The following SUGCT variants were observed in gnomAD, a reference collection of about 807,000 sequenced individuals.
SUGCT encodes succinyl-CoA:glutarate-CoA transferase.
SUGCT carries 41 observed loss-of-function variants against 55.0 expected under a neutral mutation model. The observed-to-expected ratio is 0.74, with a 90% CI of 0.58 to 0.97. SUGCT has a LOEUF of 0.97. Ranked by LOEUF, SUGCT falls within the 50% of genes least tolerant of loss-of-function variation. The pLI, the probability that SUGCT is intolerant of heterozygous loss-of-function variation, is 0.00. For missense variants in SUGCT, 568 were observed against 547.8 expected (o/e 1.04, Z -0.37); for synonymous variants, 187 against 200.4 (o/e 0.93, Z 0.56).
intron 12 of SUGCT, among the ~76,000 whole-genome samples, chr7:40,563,735 A>G (rs1562863949): frequency 1.3e-5 from 2 of 151,270 alleles, no homozygotes. Context: ...AATAATAATA[A>G]TAGTATTAAT....
chr7:40,744,743 GT>G (rs1787643983), intron 12 of SUGCT, among the ~76,000 whole-genome samples: 1 of 152,204 alleles, frequency 6.6e-6, no homozygotes, highest in Admixed American at 6.5e-5. Context: ...CCCTTAAGGA[GT>G]TTTGCTGAGC....
intron 12 of SUGCT, among the ~76,000 whole-genome samples, chr7:40,609,921 A>G (rs965505880): frequency 6.6e-6 from 1 of 152,210 alleles, no homozygotes; most frequent in Admixed American, 6.5e-5. Context: ...GAGTAGAGCA[A>G]TGTAAGTGTT....
At chr7:40,416,065 T>C (rs1006661075) in intron 9 of SUGCT, among the ~76,000 whole-genome samples, 4 of 152,196 alleles carry the variant, frequency 2.6e-5, no homozygotes, top group South Asian at 4.1e-4. Context: ...TTGTTTATAA[T>C]ACTTTGGCAT....
intron 12 of SUGCT, among the ~76,000 whole-genome samples, chr7:40,632,470 C>T (rs1167376927): frequency 6.7e-6 from 1 of 148,752 alleles, no homozygotes; most frequent in Non-Finnish European, 1.5e-5. Flanking sequence ...ATTTTTTAGT[C>T]CATTTTCATC....
chr7:40,299,712 A>C (rs909958056), intron 8 of SUGCT, among the ~76,000 whole-genome samples: 6 of 152,194 alleles, frequency 3.9e-5, no homozygotes, highest in Non-Finnish European at 8.8e-5. Context: ...TCTGACAGTA[A>C]ACTGATAATA....
At chr7:40,902,074 A>C in the SUGCT span, among the ~76,000 whole-genome samples, 1 of 152,154 alleles carries the variant, frequency 6.6e-6, no homozygotes, top group African/African-American at 2.4e-5. Context: ...CTCACCTTCA[A>C]CTTTAACAGC....
intron 7 of SUGCT, among the ~76,000 whole-genome samples, chr7:40,246,526 C>T (rs1789885993): frequency 6.6e-6 from 1 of 151,930 alleles, no homozygotes; most frequent in Non-Finnish European, 1.5e-5. Flanking sequence ...GCTGGGATTA[C>T]AGATGTGAGC....
intron 13 of SUGCT, among the ~76,000 whole-genome samples, chr7:40,816,152 T>C (rs1168521250): frequency 6.6e-6 from 1 of 152,202 alleles, no homozygotes; most frequent in Non-Finnish European, 1.5e-5. Flanking sequence ...ACTGCTGAGG[T>C]GCCTTCTACA....
intron 13 of SUGCT, among the ~76,000 whole-genome samples, chr7:40,854,419 C>CTCTTTCTTT (rs200586474): frequency 5.0e-4 from 44 of 88,840 alleles, no homozygotes; most frequent in African/African-American, 2.0e-3. Flanking sequence ...TTCTTTCTTT[C>CTCTTTCTTT]CTTTCTTTCT....
the SUGCT span, among the ~76,000 whole-genome samples, chr7:40,991,127 G>C: frequency 1.3e-5 from 2 of 152,200 alleles, no homozygotes; most frequent in Non-Finnish European, 2.9e-5. Context: ...TTTAAAGAAA[G>C]AGATGTGCAA....
intron 1 of SUGCT, among the ~76,000 whole-genome samples, chr7:40,173,756 GTC>G (rs1784791166): frequency 6.6e-6 from 1 of 151,716 alleles, no homozygotes; most frequent in Non-Finnish European, 1.5e-5. Flanking sequence ...AGCTAGTCCT[GTC>G]TCTCAATTTC....
the SUGCT span, among the ~76,000 whole-genome samples, chr7:40,929,422 C>G: frequency 1.3e-5 from 2 of 152,024 alleles, no homozygotes; most frequent in South Asian, 4.2e-4. Flanking sequence ...GATTTATAAC[C>G]CTTTGGGTAT....
intron 13 of SUGCT, among the ~76,000 whole-genome samples, chr7:40,853,175 G>A (rs1451722689): frequency 6.6e-6 from 1 of 151,796 alleles, no homozygotes; most frequent in African/African-American, 2.4e-5. Flanking sequence ...CCCAGATCTT[G>A]GCACCGGGAT....
chr7:40,924,977 G>A, the SUGCT span, among the ~76,000 whole-genome samples: 1 of 152,110 alleles, frequency 6.6e-6, no homozygotes, highest in African/African-American at 2.4e-5. Context: ...TGGATATTGT[G>A]TTGCTATGAA....
At chr7:40,954,387 C>T in the SUGCT span, among the ~76,000 whole-genome samples, 1 of 152,152 alleles carries the variant, frequency 6.6e-6, no homozygotes, top group Non-Finnish European at 1.5e-5. Context: ...ATTTCCTGAC[C>T]CCTTGCACTT....
the SUGCT span, among the ~76,000 whole-genome samples, chr7:40,988,487 GA>G: frequency 6.6e-6 from 1 of 151,778 alleles, no homozygotes; most frequent in African/African-American, 2.4e-5. Context: ...ATAAACTACT[GA>G]GATCATGCCA....
At chr7:40,644,305 T>C (rs1800397962) in intron 12 of SUGCT, among the ~76,000 whole-genome samples, 1 of 152,208 alleles carries the variant, frequency 6.6e-6, no homozygotes, top group Non-Finnish European at 1.5e-5. Flanking sequence ...CAGATTAAGA[T>C]CCTGTCCCCT....
At chr7:40,792,154 C>G (rs1224424651) in intron 13 of SUGCT, among the ~76,000 whole-genome samples, 1 of 152,118 alleles carries the variant, frequency 6.6e-6, no homozygotes, top group East Asian at 1.9e-4. Flanking sequence ...AAAACAAAGT[C>G]ACATTAAATC....
rs562431442 is a variant in SUGCT, at chr7:40,282,396, A to T, written c.720+7740A>T. ...GGCACAAGAATCGCTTGAACCCGGG[A>T]GGTGGAGGTTGCAGTGAGCTGAGGT... On this transcript the variant is annotated intron_variant, in intron 8 of 13. Coordinates refer to ENST00000335693, the MANE Select transcript of SUGCT (RefSeq NM_001193313.2). 5.7e-4 allele frequency among the ~76,000 whole-genome samples: 87 copies of T among 152,050 alleles called. 1 individual carries two copies. Among genetic ancestry groups the T allele is most frequent in the East Asian group, 5.7e-3 (29 of 5,130 alleles).
Sources: allele counts gnomAD v4.1 joint callset (sites outside exome capture counted in the v4.1 genomes callset), GRCh38; gene constraint gnomAD v4.1.1; transcripts MANE v1.5; gene names NCBI Gene and HGNC (gene_info 2026-07-23, HGNC 2026-07-21).